The following KHDRBS2 variants were observed in gnomAD, a reference collection of about 807,000 sequenced individuals.
KHDRBS2 encodes the protein KH domain-containing, RNA-binding, signal transduction-associated protein 2.
Under a neutral mutation model 44.3 loss-of-function variants are expected in KHDRBS2, and 26 were observed. The observed-to-expected ratio is 0.59, with a 90% CI of 0.43 to 0.81. KHDRBS2 has a LOEUF of 0.81. Ranked by LOEUF, KHDRBS2 falls within the 40% of genes least tolerant of loss-of-function variation. The probability of loss-of-function intolerance (pLI) is 0.00; values close to 1 mark genes in which losing one functional copy is unlikely to be tolerated. For missense variants in KHDRBS2, 476 were observed against 433.1 expected (o/e 1.10, Z -0.88); for synonymous variants, 194 against 151.1 (o/e 1.28, Z -2.08).
At chr6:61,782,689 GTATATATATATATATATATA>G (rs70993182) in intron 6 of KHDRBS2, among the ~76,000 whole-genome samples, 6,317 of 111,124 alleles carry the variant, frequency 0.057, 419 homozygotes, top group African/African-American at 0.12. Context: ...TAAAGGTTGT[GTATATATATATATATATATA>G]TATATATATA....
At chr6:61,981,672 G>C (rs529642177) in intron 3 of KHDRBS2, among the ~76,000 whole-genome samples, 1 of 152,092 alleles carries the variant, frequency 6.6e-6, no homozygotes, top group Admixed American at 6.5e-5. Flanking sequence ...TCTAAATGAA[G>C]TCTGCTTGAC....
In KHDRBS2 at chr6:61,945,150, T is replaced by TATATATAC. The variant is rs371595813; in HGVS notation, c.483+32915_483+32916insGTATATAT. 3.8e-3 allele frequency among the ~76,000 whole-genome samples: 328 copies of TATATATAC among 86,974 alleles called. 8 individuals carry two copies. Among genetic ancestry groups the TATATATAC allele is most frequent in the South Asian group, 6.9e-3 (17 of 2,460 alleles). 57.1% of individuals were successfully genotyped at this position (86,974 alleles called of 152,430 possible). The stretch of plus-strand genomic sequence containing the variant: ...ATATATATATATATATATATATATA[T>TATATATAC]ACACACAGACTTGTCTTGATAAAGT... On this transcript the variant is annotated intron_variant, in intron 4 of 8. Coordinates refer to ENST00000281156, the MANE Select transcript of KHDRBS2 (RefSeq NM_152688.4).
the KHDRBS2 span, among the ~76,000 whole-genome samples, chr6:61,590,154 CT>C: frequency 6.6e-6 from 1 of 152,106 alleles, no homozygotes; most frequent in Non-Finnish European, 1.5e-5. Context: ...ATTAGTCATT[CT>C]GCTCAACAGG....
chr6:61,658,670 C>T, the KHDRBS2 span, among the ~76,000 whole-genome samples: 1 of 151,916 alleles, frequency 6.6e-6, no homozygotes, highest in Admixed American at 6.6e-5. Context: ...TTTTAAAACA[C>T]ACCATGCATG....
chr6:61,571,716 C>T, the KHDRBS2 span, among the ~76,000 whole-genome samples: 1 of 152,098 alleles, frequency 6.6e-6, no homozygotes, highest in Non-Finnish European at 1.5e-5. Flanking sequence ...CAAGTATCCT[C>T]TCAGACCACA....
the KHDRBS2 span, among the ~76,000 whole-genome samples, chr6:61,605,676 T>C: frequency 2.0e-5 from 3 of 152,148 alleles, no homozygotes; most frequent in African/African-American, 7.2e-5. Context: ...TCTCCCACTC[T>C]AGGTTCCCAC....
the KHDRBS2 span, among the ~76,000 whole-genome samples, chr6:61,543,883 T>C: frequency 3.9e-5 from 6 of 152,112 alleles, no homozygotes; most frequent in East Asian, 1.2e-3. Context: ...CTCTTATTTG[T>C]GGGAGCTAAA....
At chr6:61,884,161 T>C (rs1170269093) in intron 6 of KHDRBS2, among the ~76,000 whole-genome samples, 8 of 152,108 alleles carry the variant, frequency 5.3e-5, no homozygotes, top group Non-Finnish European at 1.0e-4. Context: ...GATTTACCAG[T>C]GAATTTTCTA....
intron 6 of KHDRBS2, among the ~76,000 whole-genome samples, chr6:61,763,956 T>C (rs1215546105): frequency 6.6e-6 from 1 of 152,194 alleles, no homozygotes; most frequent in Non-Finnish European, 1.5e-5. Context: ...ATGCATTAGC[T>C]GTTTATCCTG....
At chr6:62,104,435 T>C (rs1386315523) in intron 2 of KHDRBS2, among the ~76,000 whole-genome samples, 1 of 152,188 alleles carries the variant, frequency 6.6e-6, no homozygotes, top group Non-Finnish European at 1.5e-5. Flanking sequence ...ATCATTCAAG[T>C]CATGCATCGT....
chr6:62,161,573 C>CGG (rs3035515), intron 2 of KHDRBS2, among the ~76,000 whole-genome samples: 611 of 33,136 alleles, frequency 0.018, 15 homozygotes, highest in South Asian at 0.026. Flanking sequence ...TTGGTATTTG[C>CGG]GGGGGGGGGG....
chr6:61,987,845 T>A (rs182292193), intron 3 of KHDRBS2, among the ~76,000 whole-genome samples: 1 of 152,268 alleles, frequency 6.6e-6, no homozygotes, highest in African/African-American at 2.4e-5. Flanking sequence ...CCTGCTATCT[T>A]TGAATTAAAT....
chr6:61,887,926 C>CTA (rs1801204018), intron 6 of KHDRBS2, among the ~76,000 whole-genome samples: 1 of 152,062 alleles, frequency 6.6e-6, no homozygotes, highest in Non-Finnish European at 1.5e-5. Context: ...AGCCAGCAGC[C>CTA]TATCAGTCAC....
the KHDRBS2 span, among the ~76,000 whole-genome samples, chr6:61,604,638 T>A: frequency 2.0e-5 from 3 of 152,104 alleles, no homozygotes; most frequent in Non-Finnish European, 4.4e-5. Context: ...CAGTGTTCCA[T>A]CTGCTAGTCT....
chr6:62,158,805 A>AT (rs778184506), intron 2 of KHDRBS2, among the ~76,000 whole-genome samples: 6 of 151,802 alleles, frequency 4.0e-5, no homozygotes, highest in Admixed American at 6.6e-5. Context: ...ATAATGACCT[A>AT]TTTTTTTCAT....
At chr6:61,910,711 T>C (rs1356773333) in intron 4 of KHDRBS2, among the ~76,000 whole-genome samples, 2 of 152,154 alleles carry the variant, frequency 1.3e-5, no homozygotes, top group South Asian at 4.1e-4. Flanking sequence ...CTTACGTACT[T>C]GGTGTTATGC....
chr6:62,243,033 T>C (rs1427593472), intron 1 of KHDRBS2, among the ~76,000 whole-genome samples: 1 of 152,178 alleles, frequency 6.6e-6, no homozygotes, highest in African/African-American at 2.4e-5. Flanking sequence ...TTTACCTCTG[T>C]GTCTGAAGCT....
the KHDRBS2 span, among the ~76,000 whole-genome samples, chr6:61,568,546 T>A: frequency 1.3e-5 from 2 of 152,176 alleles, no homozygotes; most frequent in Non-Finnish European, 2.9e-5. Flanking sequence ...ATCCTTTGAA[T>A]GTTACTGCAA....
chr6:61,622,207 T>C, the KHDRBS2 span, among the ~76,000 whole-genome samples: 1 of 152,242 alleles, frequency 6.6e-6, no homozygotes, highest in Non-Finnish European at 1.5e-5. Context: ...AAACCTTAAC[T>C]GCTTGCAAAG....
Sources: allele counts gnomAD v4.1 joint callset (sites outside exome capture counted in the v4.1 genomes callset), GRCh38; gene constraint gnomAD v4.1.1; transcripts MANE v1.5; gene names NCBI Gene and HGNC (gene_info 2026-07-23, HGNC 2026-07-21).